AKAP7: variants seen among roughly 807,000 people sequenced by gnomAD.
AKAP7 encodes A kinase (PRKA) anchor protein 7.
Under a neutral mutation model 39.5 loss-of-function variants are expected in AKAP7, and 39 were observed. The ratio of observed to expected loss-of-function variants is 0.99; its 90% CI spans 0.76 to 1.29. The LOEUF (loss-of-function observed/expected upper bound fraction) is 1.29. Ranked by LOEUF, AKAP7 falls within the 50% of genes most tolerant of loss-of-function variation. The pLI, the probability that AKAP7 is intolerant of heterozygous loss-of-function variation, is 0.00. For synonymous variants in AKAP7, 140 were observed against 139.1 expected (o/e 1.01, Z -0.05); for missense variants, 414 against 407.7 (o/e 1.02, Z -0.13).
intron 6 of AKAP7, among the ~76,000 whole-genome samples, chr6:131,207,593 C>T (rs1808251888): frequency 6.7e-6 from 1 of 149,724 alleles, no homozygotes; most frequent in South Asian, 2.1e-4. Flanking sequence ...CCTTGGCCTC[C>T]CATAGTGTTG....
intron 2 of AKAP7, among the ~76,000 whole-genome samples, chr6:131,158,496 C>T (rs968123677): frequency 1.3e-5 from 2 of 151,996 alleles, no homozygotes; most frequent in South Asian, 4.2e-4. Context: ...CTGTGAGGTA[C>T]TCTATTTTGT....
rs1389686758 is a variant in AKAP7, at chr6:131,281,192, C to CT, written c.851-337dup. Among the ~76,000 whole-genome samples the CT allele has an allele frequency of 2.6e-5, 4 of 152,160 alleles. No homozygotes were observed. The highest frequency in any genetic ancestry group is 2.6e-4 in the Admixed American group (4 of 15,282). On this transcript the variant is annotated intron_variant, in intron 7 of 7. Transcript: ENST00000431975. The surrounding 1 kb of genome is among the most constrained non-coding windows in gnomAD (Gnocchi z 4.0). ...AGGCCTACTTAGTGAATTCACATGT[C>CT]TGAGACTCCACGTGGTGGGGACATG...
intron 5 of AKAP7, among the ~76,000 whole-genome samples, chr6:131,171,735 T>C (rs1387222528): frequency 6.6e-6 from 1 of 152,102 alleles, no homozygotes; most frequent in Admixed American, 6.6e-5. Flanking sequence ...ATGTAGGATT[T>C]AGCTGTGAGA....
intron 7 of AKAP7, among the ~76,000 whole-genome samples, chr6:131,273,787 TTCC>T (rs1814503889): frequency 6.6e-6 from 1 of 152,176 alleles, no homozygotes; most frequent in African/African-American, 2.4e-5. Context: ...TAGTATCATT[TTCC>T]TTCTGCCTCA....
chr6:131,270,862 G>T (rs914660035), intron 7 of AKAP7, among the ~76,000 whole-genome samples: 2 of 152,072 alleles, frequency 1.3e-5, no homozygotes, highest in Non-Finnish European at 2.9e-5. Context: ...TCGACCATCT[G>T]TATATCTTAT....
At chr6:131,233,374 T>G (rs1360819146) in intron 7 of AKAP7, among the ~76,000 whole-genome samples, 5 of 152,162 alleles carry the variant, frequency 3.3e-5, no homozygotes, top group Non-Finnish European at 7.4e-5. Context: ...GAGCAACTTT[T>G]TGCACATTTT....
intron 1 of AKAP7, among the ~76,000 whole-genome samples, chr6:131,140,729 T>C (rs1800963020): frequency 6.6e-6 from 1 of 152,270 alleles, no homozygotes; most frequent in African/African-American, 2.4e-5. Flanking sequence ...TTTAGTTGCA[T>C]GTTTTATTAC....
chr6:131,255,674 C>G (rs183731454), intron 7 of AKAP7, among the ~76,000 whole-genome samples: 2 of 152,308 alleles, frequency 1.3e-5, no homozygotes, highest in Non-Finnish European at 2.9e-5. Context: ...GGAAACCCAG[C>G]TCTGCTATTA....
chr6:131,157,592 T>C (rs931827287), intron 2 of AKAP7, among the ~76,000 whole-genome samples: 5 of 152,230 alleles, frequency 3.3e-5, no homozygotes, highest in Admixed American at 1.3e-4. Context: ...CCCAGTGATA[T>C]ATTCATTTGA....
intron 5 of AKAP7, among the ~76,000 whole-genome samples, chr6:131,196,793 C>G (rs1208512186): frequency 6.6e-6 from 1 of 152,074 alleles, no homozygotes; most frequent in Non-Finnish European, 1.5e-5. Flanking sequence ...CCAAATGATT[C>G]TGTCCTCCTC....
intron 7 of AKAP7, among the ~76,000 whole-genome samples, chr6:131,244,859 T>C (rs1811873955): frequency 6.6e-6 from 1 of 152,238 alleles, no homozygotes; most frequent in African/African-American, 2.4e-5. Flanking sequence ...TCTTTCCATT[T>C]GCTATACATA....
intron 4 of AKAP7, 116 bp downstream of exon 4, chr6:131,165,333 T>C: frequency 1.5e-6 from 1 of 686,482 alleles, no homozygotes; most frequent in Non-Finnish European, 2.4e-6. Flanking sequence ...CTATACAATT[T>C]ATTCCAATTA....
chr6:131,276,849 C>T (rs3777496), intron 7 of AKAP7, among the ~76,000 whole-genome samples: 11,143 of 152,072 alleles, frequency 0.073, 1,058 homozygotes, highest in African/African-American at 0.2. Context: ...CACCTAGATA[C>T]TGGCAATGGG....
upstream of AKAP7, among the ~76,000 whole-genome samples, chr6:131,134,031 G>GCAT (rs759113089): frequency 2.0e-5 from 3 of 152,256 alleles, no homozygotes; most frequent in South Asian, 6.2e-4. Flanking sequence ...GAGTGCAATG[G>GCAT]CATCATCTCA....
chr6:131,254,480 C>G (rs542413661), intron 7 of AKAP7, among the ~76,000 whole-genome samples: 3 of 152,346 alleles, frequency 2.0e-5, no homozygotes, highest in Admixed American at 6.5e-5. Flanking sequence ...AACTTAATAA[C>G]TATGTAGATA....
chr6:131,211,081 G>A (rs930135278), intron 6 of AKAP7, among the ~76,000 whole-genome samples: 5 of 152,176 alleles, frequency 3.3e-5, no homozygotes, highest in African/African-American at 1.2e-4. Flanking sequence ...AGGTACCTAA[G>A]ATGTACAAAG....
intron 5 of AKAP7, among the ~76,000 whole-genome samples, chr6:131,186,130 A>G (rs1805829790): frequency 1.3e-5 from 2 of 152,094 alleles, no homozygotes; most frequent in Non-Finnish European, 2.9e-5. Context: ...TGTAATCCCC[A>G]GTGTTGGAGG....
At chr6:131,170,577 A>G (rs890435626) in intron 5 of AKAP7, among the ~76,000 whole-genome samples, 2 of 152,226 alleles carry the variant, frequency 1.3e-5, no homozygotes, top group Non-Finnish European at 2.9e-5. Flanking sequence ...TAAAAAGGGC[A>G]TCTTGTTGTA....
chr6:131,149,874 C>T (rs1284796446), intron 2 of AKAP7, among the ~76,000 whole-genome samples: 3 of 152,168 alleles, frequency 2.0e-5, no homozygotes, highest in African/African-American at 7.2e-5. Flanking sequence ...GAGAGTCATT[C>T]TGCTGTTGGG....
Sources: allele counts gnomAD v4.1 joint callset (sites outside exome capture counted in the v4.1 genomes callset), GRCh38; gene constraint gnomAD v4.1.1; non-coding constraint Gnocchi (gnomAD v3.1); transcripts MANE v1.5; gene names NCBI Gene and HGNC (gene_info 2026-07-23, HGNC 2026-07-21).